URB2: variants seen among roughly 807,000 people sequenced by gnomAD.
The protein encoded by URB2 is unhealthy ribosome biogenesis protein 2 homolog.
A neutral mutation model predicts 120.9 loss-of-function variants in URB2; 86 were observed. The observed-to-expected ratio is 0.71, with a 90% confidence interval of 0.60 to 0.85. The LOEUF is 0.85. Among genes scored for constraint, URB2 ranks in the 40% least tolerant of loss-of-function variants. The pLI, the probability that URB2 is intolerant of heterozygous loss-of-function variation, is 0.00. For missense variants in URB2, 1,765 were observed against 1,836.5 expected (o/e 0.96, Z 0.71); for synonymous variants, 755 against 758.4 (o/e 1.00, Z 0.07).
chr1:229,657,783 TA>T (rs1054058225), intron 9 of URB2, among the ~76,000 whole-genome samples: 82 of 152,358 alleles, frequency 5.4e-4, no homozygotes, highest in African/African-American at 1.6e-3. Flanking sequence ...AAAAGGATCA[TA>T]ACTTTGAAGA....
At chr1:229,656,173 A>G (rs147778139) in intron 9 of URB2, among the ~76,000 whole-genome samples, 4 of 152,258 alleles carry the variant, frequency 2.6e-5, no homozygotes, top group East Asian at 1.9e-4. Flanking sequence ...GAATCTTAGT[A>G]TTTCCCAAGC....
At chr1:229,639,429 G>T (rs183499917) in intron 4 of URB2, among the ~76,000 whole-genome samples, 3 of 151,404 alleles carry the variant, frequency 2.0e-5, no homozygotes, top group Non-Finnish European at 4.4e-5. Context: ...CCGCTTCCCG[G>T]GTTCATGCCA....
chr1:229,647,793 C>T lies in URB2; in HGVS notation c.4149+41C>T, dbSNP rs144836728. 175 of 1,597,964 alleles carry T rather than the reference C, an allele frequency of 1.1e-4. No individual in the cohort carries two copies. In the East Asian group the frequency reaches 3.5e-3, roughly 32 times the overall value. On this transcript the variant is annotated intron_variant, in intron 7 of 9. Transcript: ENST00000258243. ...AGAGTGGCAGGCAGCTTTTCCTCTG[C>T]GAGCAGGGTACTTGAAGTCTGTAGA...
In URB2 at chr1:229,645,851, T is replaced by C. The variant is rs776114015; in HGVS notation, c.3796-8T>C. ...CTCTGCCGCTAAGTTTTTTCTCTCT[T>C]GCCCCAGGCTGTTGTGTCAGCTGTT... On this transcript the variant is annotated splice_region_variant and splice_polypyrimidine_tract_variant and intron_variant, in intron 5 of 9. Transcript: ENST00000258243. 1 of 1,613,692 alleles carries C rather than the reference T, an allele frequency of 6.2e-7. No individual in the cohort carries two copies. Among genetic ancestry groups the C allele is most frequent in the South Asian group, 1.1e-5 (1 of 91,060 alleles).
Position 229,638,118 on chromosome 1 carries a change from G to A in URB2, c.3505G>A (p.Ala1169Thr), listed in dbSNP as rs766954381. The A allele has an allele frequency of 2.3e-5, 37 of 1,614,106 alleles. No individual in the cohort carries two copies. Among genetic ancestry groups the A allele is most frequent in the Non-Finnish European group, 2.5e-5 (30 of 1,180,060 alleles). Residue 1169 changes from alanine to threonine, a missense_variant, in exon 4 of 10, where the codon GCG becomes ACG. Transcript: ENST00000258243. The stretch of plus-strand genomic sequence containing the variant: ...GATACTGTTGGAGTTGCCAGCTCTC[G>A]CGGGACATGATCAGTCTTTTCAGGC... ...SQILLELPAL[A>T]GHDQSFQAAL...
chr1:229,647,586 C>T lies in URB2; in HGVS notation c.3983C>T (p.Ala1328Val). The change falls in exon 7 of 10, where the codon GCA (alanine) becomes GTA (valine). Residue 1328 changes from alanine (A) to valine (V), a missense_variant. Physicochemically the swap from Ala to Val is moderately conservative, Grantham distance 64 (BLOSUM62 0). Transcript: ENST00000258243. ...GGGCCTGTCTTAGATGTCCTGGCTG[C>T]ACTGCTGCGGCAGGGGGAGGAGGCC... ...VVGPVLDVLA[A>V]LLRQGEEAIG... is the part of the protein sequence containing the mutation. The T allele has an allele frequency of 6.2e-7, 1 of 1,614,222 alleles. No individual in the cohort carries two copies. Among genetic ancestry groups the T allele is most frequent in the Non-Finnish European group, 8.5e-7 (1 of 1,180,040 alleles).
chr1:229,640,053 GCAGA>G (rs59680620), intron 4 of URB2, among the ~76,000 whole-genome samples: 6 of 152,312 alleles, frequency 3.9e-5, no homozygotes, highest in Admixed American at 6.5e-5. Context: ...ATACATGCGT[GCAGA>G]CAAAGGCTAG....
chr1:229,636,775 C>T lies in URB2; in HGVS notation c.2162C>T (p.Ala721Val). Residue 721 changes from alanine to valine, a missense_variant, in exon 4 of 10, where the codon GCT becomes GTT. Coordinates refer to ENST00000258243, the MANE Select transcript of URB2 (RefSeq NM_014777.4). The part of the protein sequence containing the change: ...GRKSLNQRTT[A>V]SWDGQVGMVS... ...AAAAGCTTGAATCAGAGAACGACGG[C>T]TTCCTGGGATGGCCAAGTTGGGATG... 1 of 1,612,140 alleles carries T rather than the reference C, an allele frequency of 6.2e-7. No homozygotes were observed. Among genetic ancestry groups the T allele is most frequent in the Non-Finnish European group, 8.5e-7 (1 of 1,178,620 alleles).
intron 3 of URB2, among the ~76,000 whole-genome samples, chr1:229,633,256 G>A (rs1315548647): frequency 6.6e-6 from 1 of 152,188 alleles, no homozygotes; most frequent in Non-Finnish European, 1.5e-5. Context: ...TTGAGATTGT[G>A]TTCCAAACTG....
Position 229,635,510 on chromosome 1 carries a change from T to G in URB2, c.897T>G (p.Val299=). 6.2e-7 allele frequency: 1 copy of G among 1,614,058 alleles called. No homozygotes were observed. Among genetic ancestry groups the G allele is most frequent in the Non-Finnish European group, 8.5e-7 (1 of 1,179,982 alleles). Reference sequence around the variant, plus strand: ...GTGCAGCATCCCTTCATACCTCTGTTGTGGCCAACTCAGTGGCCTTGCTGT... The same window carrying G: ...GTGCAGCATCCCTTCATACCTCTGTGGTGGCCAACTCAGTGGCCTTGCTGT... ...GYCAASLHTS[V]VANSVALLYK... Residue 299 remains valine (V), a synonymous_variant, in exon 4 of 10, where the codon GTT becomes GTG. Transcript: ENST00000258243.
intron 2 of URB2, among the ~76,000 whole-genome samples, chr1:229,628,205 A>G (rs1356940053): frequency 1.4e-5 from 2 of 144,742 alleles, no homozygotes; most frequent in South Asian, 2.1e-4. Context: ...ATATGTATAT[A>G]TATTATACAT....
At position 229,637,398 on chromosome 1, in the gene URB2, C is replaced by T. The variant is rs1333150985; in HGVS notation, c.2785C>T (p.Leu929=). ...LVLLSMAVTK[L]GCSCSSSLAL... ...GTTACTGTCCATGGCCGTCACCAAACTAGGATGCTCTTGCTCCTCCTCACT... is the reference window on the plus strand; with the variant it reads ...GTTACTGTCCATGGCCGTCACCAAATTAGGATGCTCTTGCTCCTCCTCACT... The change falls in exon 4 of 10, where the codon CTA becomes TTA. Residue 929 remains leucine (L), a synonymous_variant. Coordinates refer to ENST00000258243, the MANE Select transcript of URB2 (RefSeq NM_014777.4). 9 of 1,614,094 alleles carry T rather than the reference C, an allele frequency of 5.6e-6. No homozygotes were observed. The highest frequency in any genetic ancestry group is 1.3e-5 in the African/African-American group (1 of 74,932).
chr1:229,629,097 G>C (rs1297907000), intron 2 of URB2, among the ~76,000 whole-genome samples: 1 of 152,216 alleles, frequency 6.6e-6, no homozygotes, highest in African/African-American at 2.4e-5. Context: ...TACTGTTATT[G>C]ACAGTTCTGG....
intron 6 of URB2, among the ~76,000 whole-genome samples, chr1:229,646,177 G>A (rs1451205819): frequency 2.0e-5 from 3 of 152,194 alleles, no homozygotes; most frequent in Non-Finnish European, 2.9e-5. Context: ...TGGAAGGGAA[G>A]TGCTAACAAG....
At position 229,638,098 on chromosome 1, in the gene URB2, T is replaced by C; in HGVS notation, c.3485T>C (p.Leu1162Pro). 1 of 1,614,212 alleles carries C rather than the reference T, an allele frequency of 6.2e-7. No homozygotes were observed. The highest frequency in any genetic ancestry group is 8.5e-7 in the Non-Finnish European group (1 of 1,180,040). Residue 1162 changes from leucine (L) to proline (P), a missense_variant, in exon 4 of 10, where the codon CTG (leucine) becomes CCG (proline). Physicochemically the swap from Leu to Pro is moderately conservative, Grantham distance 98 (BLOSUM62 -3). Coordinates refer to ENST00000258243, the MANE Select transcript of URB2 (RefSeq NM_014777.4). ...TACCAGGGTGTTTACTCTCAGATAC[T>C]GTTGGAGTTGCCAGCTCTCGCGGGA... is the stretch of plus-strand genomic sequence containing the variant. ...ALYQGVYSQI[L>P]LELPALAGHD... is the part of the protein sequence containing the mutation.
At chr1:229,634,790 C>T in intron 3 of URB2, 127 bp from the exon 4 acceptor site, 1 of 825,260 alleles carries the variant, frequency 1.2e-6, no homozygotes, top group Admixed American at 3.5e-5. Context: ...ATATGGTAAT[C>T]TGGGCATTTC....
intron 9 of URB2, 81 bp downstream of exon 9, chr1:229,654,469 G>A: frequency 6.3e-7 from 1 of 1,587,580 alleles, no homozygotes; most frequent in Non-Finnish European, 8.6e-7. Context: ...ATGGCAAGCG[G>A]TGTTCTGGAT....
chr1:229,634,734 G>A (rs894907873), intron 3 of URB2, among the ~76,000 whole-genome samples, 183 bp from the exon 4 acceptor site: 2 of 152,130 alleles, frequency 1.3e-5, no homozygotes, highest in Non-Finnish European at 2.9e-5. Context: ...TGAAACAGAT[G>A]CTTTGCCTTA....
rs150345093 is a variant in URB2 at position 229,642,149 on chromosome 1, G to C, written c.3635-1384G>C. Among the ~76,000 whole-genome samples, 573 of 152,330 alleles carry C rather than the reference G, an allele frequency of 3.8e-3. 4 individuals carry two copies. The highest frequency in any genetic ancestry group is 0.013 in the African/African-American group (554 of 41,564). ...CAAATCACAGGGTAAAGGTGGGGGA[G>C]ACGCCATAAAGCGAACCAGAGCGAT... On this transcript the variant is annotated intron_variant, in intron 4 of 9. Transcript: ENST00000258243.
Sources: gnomAD v4.1 joint callset for allele counts (sites outside exome capture counted in the v4.1 genomes callset) on GRCh38, gnomAD v4.1.1 for gene constraint, MANE v1.5 for transcripts, NCBI Gene and HGNC (gene_info 2026-07-23, HGNC 2026-07-21) for gene names.